The following PRKG1 variants were observed in gnomAD, a reference collection of about 807,000 sequenced individuals.
PRKG1 encodes cGMP-dependent protein kinase 1.
In PRKG1, 35 loss-of-function variants were observed where a neutral mutation model predicts 88.1. That is an observed-to-expected ratio of 0.40 (90% CI 0.30 to 0.53). The LOEUF (loss-of-function observed/expected upper bound fraction) is 0.53, where lower values mean the gene tolerates loss of function less well. Among genes scored for constraint, PRKG1 ranks in the 20% least tolerant of loss-of-function variants. The pLI is 0.59. For synonymous variants in PRKG1, 303 were observed against 292.5 expected, an observed-to-expected ratio of 1.04 and a Z score of -0.37; for missense variants, 540 against 839.8, an observed-to-expected ratio of 0.64 and a Z score of 4.41.
chr10:51,707,654 A>G (rs1412729924), intron 3 of PRKG1, among the ~76,000 whole-genome samples: 1 of 151,620 alleles, frequency 6.6e-6, no homozygotes, highest in Non-Finnish European at 1.5e-5. Context: ...GTAAACTGCC[A>G]CTCACTTCAG....
At chr10:51,436,578 A>G (rs74132015) in intron 2 of PRKG1, among the ~76,000 whole-genome samples, 1 of 151,930 alleles carries the variant, frequency 6.6e-6, no homozygotes, top group Non-Finnish European at 1.5e-5. Context: ...AATGGCTCCT[A>G]ATGAGTTCTT....
chr10:51,168,681 A>G (rs987494171), intron 2 of PRKG1, among the ~76,000 whole-genome samples: 1 of 152,170 alleles, frequency 6.6e-6, no homozygotes, highest in Non-Finnish European at 1.5e-5. Flanking sequence ...GATTAGTTTA[A>G]GGTTCAACAT....
chr10:51,616,989 A>G (rs1470932481), intron 3 of PRKG1, among the ~76,000 whole-genome samples: 1 of 152,120 alleles, frequency 6.6e-6, no homozygotes, highest in East Asian at 1.9e-4. Context: ...GCAGGGCTCT[A>G]AAATGGTGCC....
At chr10:51,426,048 G>A (rs1332315709) in intron 2 of PRKG1, among the ~76,000 whole-genome samples, 1 of 152,152 alleles carries the variant, frequency 6.6e-6, no homozygotes, top group Non-Finnish European at 1.5e-5. Flanking sequence ...GGCCGAGGCG[G>A]GCGGATCACT....
intron 7 of PRKG1, among the ~76,000 whole-genome samples, chr10:52,104,802 G>A (rs1847376114): frequency 6.6e-6 from 1 of 152,068 alleles, no homozygotes; most frequent in Admixed American, 6.5e-5. Flanking sequence ...CACGTAACCT[G>A]ATAAAAATAA....
At chr10:51,965,645 A>G (rs957772971) in intron 5 of PRKG1, among the ~76,000 whole-genome samples, 1 of 152,188 alleles carries the variant, frequency 6.6e-6, no homozygotes, top group African/African-American at 2.4e-5. Flanking sequence ...GTCTTTCAGA[A>G]ATAGTTGCTG....
At chr10:51,483,976 G>A (rs72795130) in intron 3 of PRKG1, among the ~76,000 whole-genome samples, 28,023 of 151,944 alleles carry the variant, frequency 0.18, 3,317 homozygotes, top group African/African-American at 0.32. Context: ...TTTCTGACAC[G>A]TGAAAGTGGA....
chr10:51,627,079 G>A (rs1040525237), intron 3 of PRKG1, among the ~76,000 whole-genome samples: 1 of 152,154 alleles, frequency 6.6e-6, no homozygotes, highest in African/African-American at 2.4e-5. Context: ...AGAAAAGGAA[G>A]CAAGGTAGGG....
chr10:51,299,403 A>G (rs780637022), intron 2 of PRKG1, among the ~76,000 whole-genome samples: 23 of 151,968 alleles, frequency 1.5e-4, no homozygotes, highest in Non-Finnish European at 2.2e-4. Context: ...ATGGGGTTTC[A>G]CCATGTTGGC....
intron 3 of PRKG1, among the ~76,000 whole-genome samples, chr10:51,760,517 G>T (rs1837992355): frequency 6.6e-6 from 1 of 150,838 alleles, no homozygotes; most frequent in Non-Finnish European, 1.5e-5. Context: ...TGTCACTCAG[G>T]CTGGAGTGCA....
At chr10:51,582,352 G>A (rs1284042540) in intron 3 of PRKG1, among the ~76,000 whole-genome samples, 4 of 152,044 alleles carry the variant, frequency 2.6e-5, no homozygotes, top group Non-Finnish European at 4.4e-5. Context: ...CAGGGCACAT[G>A]TGCAAGATGC....
At chr10:51,902,797 T>A in intron 4 of PRKG1, among the ~76,000 whole-genome samples, 1 of 152,182 alleles carries the variant, frequency 6.6e-6, no homozygotes, top group East Asian at 1.9e-4. Context: ...AGTGATAATA[T>A]CATTCTATGT....
At chr10:51,599,541 T>C (rs1293950706) in intron 3 of PRKG1, among the ~76,000 whole-genome samples, 1 of 152,208 alleles carries the variant, frequency 6.6e-6, no homozygotes, top group Non-Finnish European at 1.5e-5. Context: ...TTAATAATTA[T>C]TATCAGATAT....
intron 2 of PRKG1, among the ~76,000 whole-genome samples, chr10:51,442,512 T>C (rs78614200): frequency 0.014 from 2,104 of 152,124 alleles, 60 homozygotes; most frequent in African/African-American, 0.048. Flanking sequence ...ACAACAAATG[T>C]GACTGAATTT....
chr10:51,223,311 C>G (rs1471448297), intron 2 of PRKG1, among the ~76,000 whole-genome samples: 1 of 152,080 alleles, frequency 6.6e-6, no homozygotes, highest in East Asian at 1.9e-4. Flanking sequence ...TTTAATATCA[C>G]AAGCAATATG....
intron 5 of PRKG1, among the ~76,000 whole-genome samples, chr10:52,027,034 A>G (rs910810918): frequency 1.3e-5 from 2 of 152,180 alleles, no homozygotes; most frequent in Non-Finnish European, 2.9e-5. Flanking sequence ...AATTTAAAAA[A>G]TTGTTTTGTG....
At chr10:52,213,958 C>T (rs1369876612) in intron 9 of PRKG1, among the ~76,000 whole-genome samples, 2 of 152,138 alleles carry the variant, frequency 1.3e-5, no homozygotes, top group Non-Finnish European at 2.9e-5. Flanking sequence ...AATACATCTA[C>T]AAGAAATACC....
chr10:51,522,394 T>A (rs1841758036), intron 3 of PRKG1, among the ~76,000 whole-genome samples: 1 of 152,228 alleles, frequency 6.6e-6, no homozygotes, highest in Non-Finnish European at 1.5e-5. Context: ...AGGGCTGTGA[T>A]TGAAGACGTT....
intron 2 of PRKG1, among the ~76,000 whole-genome samples, chr10:51,228,106 T>G (rs1189450471): frequency 6.6e-6 from 1 of 152,162 alleles, no homozygotes; most frequent in Non-Finnish European, 1.5e-5. Flanking sequence ...TACCAGGTGT[T>G]GAAATCACAC....
Sources: gnomAD v4.1 joint callset for allele counts (sites outside exome capture counted in the v4.1 genomes callset) on GRCh38, gnomAD v4.1.1 for gene constraint, MANE v1.5 for transcripts, NCBI Gene and HGNC (gene_info 2026-07-23, HGNC 2026-07-21) for gene names.